Variants in RNGTT observed in about 807,000 individuals in gnomAD.
RNGTT encodes the protein RNA guanylyltransferase and 5'-phosphatase.
RNGTT carries 33 observed loss-of-function variants against 79.3 expected under a neutral mutation model. The ratio of observed to expected loss-of-function variants is 0.42; its 90% CI spans 0.32 to 0.56. The LOEUF is 0.56. Among genes scored for constraint, RNGTT ranks in the 20% least tolerant of loss-of-function variants. RNGTT has a pLI of 0.17. For synonymous variants in RNGTT, 222 were observed against 235.9 expected (o/e 0.94, Z 0.54); for missense variants, 497 against 739.1 (o/e 0.67, Z 3.80).
intron 13 of RNGTT, among the ~76,000 whole-genome samples, chr6:88,762,513 T>A (rs1412851866): frequency 6.6e-6 from 1 of 152,214 alleles, no homozygotes; most frequent in Non-Finnish European, 1.5e-5. Context: ...TAAAATCTTA[T>A]ATACAAGTTG....
In RNGTT at chr6:88,612,677, C is replaced by T. The variant is rs1366276677; in HGVS notation, c.*42G>A. 3 of 1,544,032 alleles carry T rather than the reference C, an allele frequency of 1.9e-6. No homozygotes were observed. Among genetic ancestry groups the T allele is most frequent in the South Asian group, 1.2e-5 (1 of 85,958 alleles). ...CAAAAATGGGCAACAGCGTTTTTTC[C>T]TCATTCCTCTTTCTTCTTAACCCTC... On this transcript the variant is annotated 3_prime_UTR_variant, in exon 16 of 16. Coordinates refer to ENST00000369485, the MANE Select transcript of RNGTT (RefSeq NM_003800.5).
At chr6:88,933,896 T>G (rs897878539) in intron 2 of RNGTT, among the ~76,000 whole-genome samples, 1 of 152,258 alleles carries the variant, frequency 6.6e-6, no homozygotes, top group Admixed American at 6.5e-5. Context: ...GTTCTACTTT[T>G]AGTTTTCTGA....
Position 88,761,050 on chromosome 6 carries a change from CACAT to C in RNGTT, c.1439+8720_1439+8723del, listed in dbSNP as rs200988384. On this transcript the variant is annotated intron_variant, in intron 13 of 15. Coordinates refer to ENST00000369485, the MANE Select transcript of RNGTT (RefSeq NM_003800.5). ...ACACACACACACACACACACACACA[CACAT>C]ACACTCTAGTCAGCAGAGTAAAAAG... 3.8e-3 allele frequency among the ~76,000 whole-genome samples: 564 copies of C among 149,372 alleles called. 3 individuals are homozygous for C. The highest frequency in any genetic ancestry group is 0.012 in the African/African-American group (474 of 39,714).
chr6:88,685,527 A>G (rs768433586), intron 13 of RNGTT, among the ~76,000 whole-genome samples: 1 of 151,140 alleles, frequency 6.6e-6, no homozygotes, highest in Non-Finnish European at 1.5e-5. Context: ...TTCAGAGAGG[A>G]GAGGGGAGAA....
chr6:88,733,364 C>A (rs182858134), intron 13 of RNGTT, among the ~76,000 whole-genome samples: 67 of 150,766 alleles, frequency 4.4e-4, no homozygotes, highest in African/African-American at 6.1e-4. Flanking sequence ...GTCTTCACCC[C>A]CCACCCCCCC....
chr6:88,714,072 T>C (rs1776414836), intron 13 of RNGTT, among the ~76,000 whole-genome samples: 1 of 152,198 alleles, frequency 6.6e-6, no homozygotes, highest in African/African-American at 2.4e-5. Context: ...CTAAATGACT[T>C]TTCTTGATTT....
intron 4 of RNGTT, among the ~76,000 whole-genome samples, chr6:88,926,058 T>C (rs983987691): frequency 3.3e-5 from 5 of 152,244 alleles, no homozygotes; most frequent in African/African-American, 1.2e-4. Flanking sequence ...TTTGGTGATA[T>C]ACATGGAATA....
chr6:88,806,566 C>T (rs1287048095), intron 11 of RNGTT, among the ~76,000 whole-genome samples: 1 of 152,188 alleles, frequency 6.6e-6, no homozygotes, highest in East Asian at 1.9e-4. Flanking sequence ...CTGCCTGCCT[C>T]GGCCTCCTAA....
At chr6:88,918,002 TAG>T (rs1784051626) in intron 4 of RNGTT, among the ~76,000 whole-genome samples, 2 of 152,040 alleles carry the variant, frequency 1.3e-5, no homozygotes, top group East Asian at 3.9e-4. Context: ...ACATAATGAT[TAG>T]AATGGAAAAT....
Position 88,750,194 on chromosome 6 carries a change from C to T in RNGTT, c.1439+19580G>A, listed in dbSNP as rs565262046. Reference sequence around the variant, plus strand: ...ACATACCTTTCTGAGAGACACAATTCAACCCACTACACCAGGCAAATACTA... The same window carrying T: ...ACATACCTTTCTGAGAGACACAATTTAACCCACTACACCAGGCAAATACTA... On this transcript the variant is annotated intron_variant, in intron 13 of 15. Coordinates refer to ENST00000369485, the MANE Select transcript of RNGTT (RefSeq NM_003800.5). Among the ~76,000 whole-genome samples the T allele has an allele frequency of 5.9e-5, 9 of 152,226 alleles. No individual in the cohort carries two copies. In the South Asian group the frequency reaches 8.3e-4, roughly 14 times the overall value.
At chr6:88,758,114 C>T (rs532542031) in intron 13 of RNGTT, among the ~76,000 whole-genome samples, 40 of 152,160 alleles carry the variant, frequency 2.6e-4, no homozygotes, top group African/African-American at 8.9e-4. Flanking sequence ...ATTTGATAGT[C>T]TTTGTCTCTA....
chr6:88,747,375 A>G (rs1053322150), intron 13 of RNGTT, among the ~76,000 whole-genome samples: 52 of 152,310 alleles, frequency 3.4e-4, no homozygotes, highest in African/African-American at 1.2e-3. Context: ...CCTCTTTCTC[A>G]AATCTGTCAG....
intron 8 of RNGTT, among the ~76,000 whole-genome samples, chr6:88,886,098 G>A (rs886802347): frequency 6.6e-6 from 1 of 152,188 alleles, no homozygotes; most frequent in African/African-American, 2.4e-5. Flanking sequence ...GACGTCAGGA[G>A]ATCGAGACCA....
intron 8 of RNGTT, among the ~76,000 whole-genome samples, chr6:88,856,168 T>C (rs1341559241): frequency 6.6e-6 from 1 of 152,198 alleles, no homozygotes; most frequent in African/African-American, 2.4e-5. Context: ...GTCCATTGTT[T>C]CCTAAACTTA....
Position 88,668,867 on chromosome 6 carries a change from G to GA in RNGTT, c.1506+9485dup, listed in dbSNP as rs1163059233. ...GGGATGTGGTTCTCTCAGTCGGGGT[G>GA]AAAAAAAAAGCTATATATGGCAGAA... is the stretch of plus-strand genomic sequence containing the variant. On this transcript the variant is annotated intron_variant, in intron 14 of 15. Transcript: ENST00000369485. 1.8e-3 allele frequency among the ~76,000 whole-genome samples: 274 copies of GA among 149,802 alleles called. 5 individuals carry two copies. The highest frequency in any genetic ancestry group is 0.015 in the Admixed American group (231 of 15,110).
intron 6 of RNGTT, among the ~76,000 whole-genome samples, chr6:88,902,210 A>G (rs1783494777): frequency 1.3e-5 from 2 of 151,868 alleles, no homozygotes; most frequent in African/African-American, 4.8e-5. Context: ...AAAAATAAAA[A>G]TAAAAGGTCT....
chr6:88,877,439 C>T (rs1400845576), intron 8 of RNGTT, among the ~76,000 whole-genome samples: 1 of 152,102 alleles, frequency 6.6e-6, no homozygotes, highest in Non-Finnish European at 1.5e-5. Context: ...AATCGGGGTG[C>T]TTTTCAAAAA....
intron 11 of RNGTT, among the ~76,000 whole-genome samples, chr6:88,808,929 C>A (rs1780047452): frequency 6.6e-6 from 1 of 151,570 alleles, no homozygotes; most frequent in Non-Finnish European, 1.5e-5. Flanking sequence ...TGAATTCCAG[C>A]CTGAGTGACA....
At chr6:88,693,866 T>C (rs371019925) in intron 13 of RNGTT, among the ~76,000 whole-genome samples, 22 of 152,262 alleles carry the variant, frequency 1.4e-4, no homozygotes, top group African/African-American at 5.1e-4. Context: ...GATCATCTCA[T>C]TAGCTATGGC....
Sources: allele counts gnomAD v4.1 joint callset (sites outside exome capture counted in the v4.1 genomes callset), GRCh38; gene constraint gnomAD v4.1.1; transcripts MANE v1.5; gene names NCBI Gene and HGNC (gene_info 2026-07-23, HGNC 2026-07-21).